SLC43A2: variants seen among roughly 807,000 people sequenced by gnomAD.
The protein encoded by SLC43A2 is large neutral amino acids transporter small subunit 4.
SLC43A2 carries 38 observed loss-of-function variants against 63.2 expected under a neutral mutation model. The ratio of observed to expected loss-of-function variants is 0.60; its 90% CI spans 0.46 to 0.79. The LOEUF (loss-of-function observed/expected upper bound fraction) is 0.79, where lower values mean the gene tolerates loss of function less well. SLC43A2 is among the 30% of genes least tolerant of loss of function. The pLI, the probability that SLC43A2 is intolerant of heterozygous loss-of-function variation, is 0.00. For synonymous variants in SLC43A2, 322 were observed against 331.0 expected, an observed-to-expected ratio of 0.97 and a Z score of 0.30; for missense variants, 644 against 756.2, an observed-to-expected ratio of 0.85 and a Z score of 1.74.
chr17:1,604,601 T>C (rs2151063772), intron 5 of SLC43A2: 2 of 837,752 alleles, frequency 2.4e-6, no homozygotes, highest in Non-Finnish European at 3.7e-6. Flanking sequence ...GCAGAACTCC[T>C]GGGCTCAACT....
At chr17:1,627,654 C>CAA in intron 2 of SLC43A2, 61 bp downstream of exon 2, 1 of 346,674 alleles carries the variant, frequency 2.9e-6, no homozygotes, top group Non-Finnish European at 5.4e-6. Flanking sequence ...TCGCCCCCAT[C>CAA]CCGCCCCCTC....
chr17:1,586,951 G>A (rs140988980), intron 9 of SLC43A2: 20 of 419,156 alleles, frequency 4.8e-5, no homozygotes, highest in African/African-American at 2.4e-4. Flanking sequence ...CCGCTTACCC[G>A]TGGCCATCAC....
intron 11 of SLC43A2, among the ~76,000 whole-genome samples, chr17:1,580,922 G>A (rs918014025): frequency 1.3e-5 from 2 of 152,132 alleles, no homozygotes; most frequent in Non-Finnish European, 2.9e-5. Flanking sequence ...TTTTAGTAGA[G>A]ACAGGGTGTC....
chr17:1,594,100 C>T (rs1418434431), intron 5 of SLC43A2, among the ~76,000 whole-genome samples: 1 of 152,274 alleles, frequency 6.6e-6, no homozygotes, highest in East Asian at 1.9e-4. Flanking sequence ...GCTGGGACTA[C>T]AGGCGTGAGC....
chr17:1,626,176 T>TC (rs1304642754), intron 2 of SLC43A2, among the ~76,000 whole-genome samples: 3 of 148,646 alleles, frequency 2.0e-5, no homozygotes, highest in Admixed American at 2.0e-4. Context: ...TTTCTGCTTT[T>TC]TTTTTTTTTT....
chr17:1,578,569 C>T lies in SLC43A2; in HGVS notation c.1351-246G>A. ...TTGAGAAGAAGTCTTGCTTTGTCGC[C>T]CAGGCTGGAGTGCAGTGGCGTGATC... On this transcript the variant is annotated intron_variant, in intron 11 of 13. Transcript: ENST00000301335. The surrounding 1 kb of genome is among the most constrained non-coding windows in gnomAD (Gnocchi z 6.5). The T allele has an allele frequency of 2.0e-6, 1 of 510,890 alleles. No individual in the cohort carries two copies. Among genetic ancestry groups the T allele is most frequent in the Non-Finnish European group, 3.5e-6 (1 of 283,652 alleles). The allele number at this position is 510,890 out of a possible 1,614,324, so 31.6% of individuals were successfully genotyped here. A position where few individuals can be genotyped will look rare whatever the true frequency, so the allele number is the denominator to read the frequency against.
chr17:1,605,328 G>A lies in SLC43A2; in HGVS notation c.501+7867C>T. 1.4e-6 allele frequency: 1 copy of A among 713,080 alleles called. No individual in the cohort carries two copies. Among genetic ancestry groups the A allele is most frequent in the South Asian group, 4.7e-5 (1 of 21,234 alleles). 44.2% of individuals were successfully genotyped at this position (713,080 alleles called of 1,614,324 possible). On this transcript the variant is annotated intron_variant, in intron 5 of 13. Transcript: ENST00000301335. The surrounding 1 kb of genome is among the most constrained non-coding windows in gnomAD (Gnocchi z 4.9). The stretch of plus-strand genomic sequence containing the variant: ...AGCAGCTGCAGGCGGCCCCTCCCCT[G>A]GCATTCTGGCCATAGAGCATGACCA...
intron 11 of SLC43A2, among the ~76,000 whole-genome samples, chr17:1,582,474 G>A (rs998772277): frequency 1.3e-5 from 2 of 152,292 alleles, no homozygotes; most frequent in African/African-American, 4.8e-5. Context: ...CAGGGGAGCA[G>A]ATGCTCCCAC....
intron 13 of SLC43A2, 39 bp downstream of exon 13, chr17:1,576,558 G>T: frequency 1.3e-6 from 2 of 1,571,388 alleles, no homozygotes; most frequent in Non-Finnish European, 1.7e-6. Flanking sequence ...GCAGAAGGGG[G>T]CAGGCGCCCA....
intron 9 of SLC43A2, chr17:1,586,927 A>ATCC: frequency 4.4e-6 from 6 of 1,355,946 alleles, no homozygotes; most frequent in Admixed American, 4.1e-5. Flanking sequence ...TTCCCTGACA[A>ATCC]TCCCCCCCAC....
At chr17:1,599,871 C>A (rs1266998083) in intron 5 of SLC43A2, among the ~76,000 whole-genome samples, 1 of 144,774 alleles carries the variant, frequency 6.9e-6, no homozygotes, top group Non-Finnish European at 1.5e-5. Context: ...AGTGAAACCC[C>A]GTCTCTACTA....
chr17:1,581,236 C>T (rs2076009135), intron 11 of SLC43A2, among the ~76,000 whole-genome samples: 1 of 41,896 alleles, frequency 2.4e-5, no homozygotes, highest in Non-Finnish European at 5.7e-5. Context: ...GCTGTGCAGG[C>T]CTCCCCACCT....
chr17:1,580,753 A>C (rs2076000077), intron 11 of SLC43A2, among the ~76,000 whole-genome samples: 1 of 142,116 alleles, frequency 7.0e-6, no homozygotes, highest in African/African-American at 2.6e-5. Flanking sequence ...TTTTTGAGAC[A>C]AGGTCTCACT....
Position 1,606,849 on chromosome 17 carries a change from A to T in SLC43A2, c.501+6346T>A, listed in dbSNP as rs1906665498. ...GCTGCAGGGCCCTGGGAGAGCCAGC[A>T]CTGGCTACTGGGCAGCCTACCTGAC... On this transcript the variant is annotated intron_variant, in intron 5 of 13. Transcript: ENST00000301335. This position sits in a 1 kb window ranked among gnomAD's most constrained non-coding sequence, Gnocchi z 4.7. Among the ~76,000 whole-genome samples, 1 of 152,218 alleles carries T rather than the reference A, an allele frequency of 6.6e-6. No homozygotes were observed. The highest frequency in any genetic ancestry group is 6.5e-5 in the Admixed American group (1 of 15,284).
rs1171505498 is a variant in SLC43A2, at chr17:1,605,035, G to T, written c.501+8160C>A. On this transcript the variant is annotated intron_variant, in intron 5 of 13. Coordinates refer to ENST00000301335, the MANE Select transcript of SLC43A2 (RefSeq NM_152346.3). The surrounding 1 kb of genome is among the most constrained non-coding windows in gnomAD (Gnocchi z 4.9). The stretch of plus-strand genomic sequence containing the variant: ...CAGGAGGGGAAGGACCAGCTTTGCT[G>T]CCAAGCAGGAAGCCGGAGCTGTTTC... The T allele has an allele frequency of 7.1e-7, 1 of 1,417,966 alleles. No homozygotes were observed. The highest frequency in any genetic ancestry group is 2.9e-5 in the Admixed American group (1 of 34,974). 87.8% of individuals were successfully genotyped at this position (1,417,966 alleles called of 1,614,324 possible). A position where few individuals can be genotyped will look rare whatever the true frequency, so the allele number is the denominator to read the frequency against.
chr17:1,602,581 G>C (rs1485231697), intron 5 of SLC43A2, among the ~76,000 whole-genome samples: 1 of 151,736 alleles, frequency 6.6e-6, no homozygotes, highest in Non-Finnish European at 1.5e-5. Context: ...CAGAGGCAGA[G>C]GTTGCAATGA....
intron 5 of SLC43A2, among the ~76,000 whole-genome samples, chr17:1,594,792 G>T (rs982363086): frequency 1.1e-4 from 17 of 151,750 alleles, no homozygotes; most frequent in Non-Finnish European, 1.5e-4. Flanking sequence ...GTTTCACCAC[G>T]TTAGCCAGGA....
At chr17:1,617,346 C>T (rs1907772671) in intron 2 of SLC43A2, among the ~76,000 whole-genome samples, 1 of 152,200 alleles carries the variant, frequency 6.6e-6, no homozygotes, top group Admixed American at 6.5e-5. Context: ...GTCCAGCTGC[C>T]TTCTCAAACA....
chr17:1,585,600 C>T, intron 10 of SLC43A2: 2 of 1,117,304 alleles, frequency 1.8e-6, no homozygotes, highest in Non-Finnish European at 2.4e-6. Context: ...GTTTCCCAGG[C>T]TGGTCTCCAA....
Sources: gnomAD v4.1 joint callset for allele counts (sites outside exome capture counted in the v4.1 genomes callset) on GRCh38, gnomAD v4.1.1 for gene constraint, Gnocchi (gnomAD v3.1) non-coding constraint, MANE v1.5 for transcripts, NCBI Gene and HGNC (gene_info 2026-07-23, HGNC 2026-07-21) for gene names.